TRPC6: variants seen among roughly 807,000 people sequenced by gnomAD.
TRPC6 encodes the protein transient receptor potential cation channel subfamily C member 6, also known as short transient receptor potential channel 6.
TRPC6 carries 55 observed loss-of-function variants against 90.7 expected under a neutral mutation model. The observed-to-expected ratio is 0.61, with a 90% confidence interval of 0.49 to 0.76. The LOEUF (loss-of-function observed/expected upper bound fraction) is 0.76, where lower values mean the gene tolerates loss of function less well. Among genes scored for constraint, TRPC6 ranks in the 30% least tolerant of loss-of-function variants. TRPC6 has a pLI of 0.00. For synonymous variants in TRPC6, 393 were observed against 393.0 expected (o/e 1.00, Z 0.00); for missense variants, 989 against 1,122.7 (o/e 0.88, Z 1.70).
At chr11:101,562,483 A>G (rs1283254066) in intron 1 of TRPC6, among the ~76,000 whole-genome samples, 1 of 152,092 alleles carries the variant, frequency 6.6e-6, no homozygotes, top group Admixed American at 6.6e-5. Flanking sequence ...TTTTCACTAG[A>G]TATTTTTTAT....
At chr11:101,566,481 A>C (rs754658057) in intron 1 of TRPC6, among the ~76,000 whole-genome samples, 5 of 152,200 alleles carry the variant, frequency 3.3e-5, no homozygotes, top group South Asian at 4.1e-4. Flanking sequence ...AAAAGAAAAA[A>C]TGTTTATTTA....
intron 1 of TRPC6, among the ~76,000 whole-genome samples, chr11:101,566,977 G>GT (rs1861847175): frequency 7.1e-6 from 1 of 140,912 alleles, no homozygotes; most frequent in Admixed American, 7.4e-5. Flanking sequence ...AGCCACGGGA[G>GT]TTTTTTTCCA....
At chr11:101,571,048 C>T (rs920711687) in intron 1 of TRPC6, among the ~76,000 whole-genome samples, 13 of 152,038 alleles carry the variant, frequency 8.6e-5, no homozygotes, top group Admixed American at 2.0e-4. Flanking sequence ...AGAAATAAAG[C>T]GTATTCAATT....
intron 1 of TRPC6, among the ~76,000 whole-genome samples, chr11:101,541,738 T>A (rs557552207): frequency 3.0e-4 from 45 of 152,214 alleles, no homozygotes; most frequent in Non-Finnish European, 5.9e-4. Flanking sequence ...CCTTCTTCAA[T>A]TGCTATGCAG....
chr11:101,511,380 T>C (rs1450039807), intron 1 of TRPC6, among the ~76,000 whole-genome samples: 5 of 152,234 alleles, frequency 3.3e-5, no homozygotes, highest in Admixed American at 2.0e-4. Flanking sequence ...TCACCCCTCT[T>C]TGCAGAGGGA....
At chr11:101,579,669 AC>A (rs1415648780) in intron 1 of TRPC6, among the ~76,000 whole-genome samples, 1 of 152,136 alleles carries the variant, frequency 6.6e-6, no homozygotes, top group African/African-American at 2.4e-5. Flanking sequence ...AAAAACAAAA[AC>A]CCCAAAAACG....
At chr11:101,581,932 T>C (rs111343117) in intron 1 of TRPC6, among the ~76,000 whole-genome samples, 276 of 152,268 alleles carry the variant, frequency 1.8e-3, no homozygotes, top group Non-Finnish European at 3.0e-3. Context: ...CTATGAGACA[T>C]AAAAATATCT....
intron 1 of TRPC6, among the ~76,000 whole-genome samples, chr11:101,509,505 A>G (rs1318340846): frequency 1.3e-5 from 2 of 152,310 alleles, no homozygotes; most frequent in East Asian, 3.9e-4. Flanking sequence ...TACTAAGTTT[A>G]CATTGAGCTA....
At chr11:101,499,622 C>CACACAATATAAAATGTGTATATATATAT (rs1565218502) in intron 2 of TRPC6, among the ~76,000 whole-genome samples, 1,038 of 67,558 alleles carry the variant, frequency 0.015, 175 homozygotes, top group African/African-American at 0.025. Context: ...TATATATACA[C>CACACAATATAAAATGTGTATATATATAT]ACACAATATA....
rs1859283877 is a variant in TRPC6 at position 101,471,176 on chromosome 11, A to G, written c.2409+7T>C. Reference sequence around the variant, plus strand: ...GAATACAATGATAACTTATCAAGCTAAGTTACCTTGTTCATCTCTGCATCT... The same window carrying G: ...GAATACAATGATAACTTATCAAGCTGAGTTACCTTGTTCATCTCTGCATCT... On this transcript the variant is annotated splice_region_variant and intron_variant, in intron 9 of 12. Coordinates refer to ENST00000344327, the MANE Select transcript of TRPC6 (RefSeq NM_004621.6). 6.2e-7 allele frequency: 1 copy of G among 1,613,432 alleles called. No individual in the cohort carries two copies. Among genetic ancestry groups the G allele is most frequent in the Non-Finnish European group, 8.5e-7 (1 of 1,179,636 alleles).
intron 2 of TRPC6, among the ~76,000 whole-genome samples, chr11:101,493,039 T>C (rs550137233): frequency 6.6e-6 from 1 of 152,320 alleles, no homozygotes; most frequent in African/African-American, 2.4e-5. Flanking sequence ...ACTCATGTCA[T>C]GCTTCTATAA....
intron 9 of TRPC6, 45 bp downstream of exon 9, chr11:101,471,138 T>C: frequency 6.3e-7 from 1 of 1,595,394 alleles, no homozygotes; most frequent in African/African-American, 1.3e-5. Flanking sequence ...GTTACAGTAG[T>C]CACAAAATTT....
At chr11:101,535,615 C>A (rs1861028064) in intron 1 of TRPC6, among the ~76,000 whole-genome samples, 1 of 152,060 alleles carries the variant, frequency 6.6e-6, no homozygotes, top group South Asian at 2.1e-4. Context: ...TTAGTAAAAT[C>A]CCTGATAATA....
At chr11:101,476,956 G>A (rs1859432802) in intron 5 of TRPC6, among the ~76,000 whole-genome samples, 1 of 152,086 alleles carries the variant, frequency 6.6e-6, no homozygotes, top group African/African-American at 2.4e-5. Context: ...GTGACCATGA[G>A]AATGTGTCTC....
intron 1 of TRPC6, among the ~76,000 whole-genome samples, chr11:101,557,182 C>G (rs1215695689): frequency 2.0e-5 from 3 of 152,002 alleles, no homozygotes; most frequent in African/African-American, 7.3e-5. Flanking sequence ...TGGTGAAACC[C>G]TGTCTCTACT....
chr11:101,471,955 A>C (rs1259402073), intron 8 of TRPC6, among the ~76,000 whole-genome samples, 182 bp downstream of exon 8: 3 of 152,154 alleles, frequency 2.0e-5, no homozygotes, highest in African/African-American at 7.2e-5. Context: ...ATGACACCTT[A>C]CTGATGTTGC....
intron 2 of TRPC6, among the ~76,000 whole-genome samples, chr11:101,501,080 A>AATACATACATACATACATAC (rs60962933): frequency 6.9e-6 from 1 of 145,926 alleles, no homozygotes; most frequent in Admixed American, 6.9e-5. Flanking sequence ...AAGGGAGCAA[A>AATACATACATACATACATAC]ATACATACAT....
intron 1 of TRPC6, among the ~76,000 whole-genome samples, chr11:101,534,345 A>G (rs763733081): frequency 6.6e-6 from 1 of 152,158 alleles, no homozygotes; most frequent in Non-Finnish European, 1.5e-5. Context: ...CATGTTGGCC[A>G]GGCTGGTCTC....
intron 1 of TRPC6, among the ~76,000 whole-genome samples, chr11:101,554,229 G>C (rs1006907051): frequency 6.6e-6 from 1 of 152,060 alleles, no homozygotes; most frequent in Non-Finnish European, 1.5e-5. Flanking sequence ...CTCTTCAATA[G>C]GAAGAACTGA....
Sources: gnomAD v4.1 joint callset for allele counts (sites outside exome capture counted in the v4.1 genomes callset) on GRCh38, gnomAD v4.1.1 for gene constraint, MANE v1.5 for transcripts, NCBI Gene and HGNC (gene_info 2026-07-23, HGNC 2026-07-21) for gene names.